ELAVL4: variants seen among roughly 807,000 people sequenced by gnomAD.
ELAVL4 encodes ELAV-like protein 4.
A neutral mutation model predicts 35.6 loss-of-function variants in ELAVL4; 1 was observed. The ratio of observed to expected loss-of-function variants is 0.03; its 90% CI spans 0.01 to 0.13. ELAVL4 has a LOEUF of 0.13. ELAVL4 is among the 10% of genes least tolerant of loss of function. The probability of loss-of-function intolerance (pLI) is 1.00; values close to 1 mark genes in which losing one functional copy is unlikely to be tolerated. For synonymous variants in ELAVL4, 156 were observed against 171.0 expected (o/e 0.91, Z 0.69); for missense variants, 267 against 464.9 (o/e 0.57, Z 3.91).
Position 50,123,618 on chromosome 1 carries a change from C to T in ELAVL4, c.9+14420C>T, listed in dbSNP as rs539253980. On this transcript the variant is annotated intron_variant, in intron 1 of 6. Transcript: ENST00000371824. ...TACTTAATTCATCTGTGGCTCAGGA[C>T]CAAGTCTAGGTAGCTTCACAAAACC... 5.3e-5 allele frequency among the ~76,000 whole-genome samples: 8 copies of T among 152,120 alleles called. No individual in the cohort carries two copies. The South Asian group carries it at 1.0e-3, about 20-fold the overall frequency.
chr1:50,063,165 C>T (rs918236271), intron 1 of ELAVL4, among the ~76,000 whole-genome samples: 14 of 152,180 alleles, frequency 9.2e-5, no homozygotes, highest in Admixed American at 8.5e-4. Flanking sequence ...GTCAGCCTTG[C>T]TCCTTTCTTG....
At chr1:50,089,209 T>G (rs553497108) in intron 1 of ELAVL4, among the ~76,000 whole-genome samples, 1 of 152,048 alleles carries the variant, frequency 6.6e-6, no homozygotes, top group Non-Finnish European at 1.5e-5. Flanking sequence ...ATCATTACAG[T>G]GTGAAAAGGG....
chr1:50,199,025 A>G (rs1412242529), intron 6 of ELAVL4, among the ~76,000 whole-genome samples: 1 of 152,244 alleles, frequency 6.6e-6, no homozygotes, highest in Non-Finnish European at 1.5e-5. Context: ...ATAGAATATT[A>G]AAAAGACAAT....
At chr1:50,166,095 G>A (rs1366209491) in intron 2 of ELAVL4, among the ~76,000 whole-genome samples, 1 of 151,964 alleles carries the variant, frequency 6.6e-6, no homozygotes, top group Non-Finnish European at 1.5e-5. Context: ...ACTAGATTAA[G>A]GGTGGATCTG....
At chr1:50,163,672 A>G (rs900556658) in intron 2 of ELAVL4, among the ~76,000 whole-genome samples, 10 of 152,264 alleles carry the variant, frequency 6.6e-5, no homozygotes, top group Non-Finnish European at 1.5e-4. Flanking sequence ...CTAAAAATAC[A>G]AAAATTAGGC....
intron 1 of ELAVL4, among the ~76,000 whole-genome samples, chr1:50,132,729 T>C (rs1393578768): frequency 6.6e-6 from 1 of 152,166 alleles, no homozygotes; most frequent in East Asian, 1.9e-4. Context: ...GACAGAATCA[T>C]TTTTAATACT....
chr1:50,076,034 G>A (rs1356057691), intron 1 of ELAVL4, among the ~76,000 whole-genome samples: 2 of 152,104 alleles, frequency 1.3e-5, no homozygotes, highest in Admixed American at 1.3e-4. Context: ...TCGCCATGTT[G>A]GCCAGGCTGG....
intron 1 of ELAVL4, among the ~76,000 whole-genome samples, chr1:50,134,986 T>G (rs1055419351): frequency 6.6e-6 from 1 of 152,152 alleles, no homozygotes; most frequent in Non-Finnish European, 1.5e-5. Context: ...AGATTAAAAC[T>G]TGGATTTCCG....
intron 1 of ELAVL4, among the ~76,000 whole-genome samples, chr1:50,057,296 TTA>T (rs1663729372): frequency 6.6e-6 from 1 of 152,114 alleles, no homozygotes; most frequent in African/African-American, 2.4e-5. Flanking sequence ...CTAAGTGTTA[TTA>T]TAAGAGTCTA....
At chr1:50,108,712 G>A (rs973940335), upstream of ELAVL4, among the ~76,000 whole-genome samples, 2 of 152,042 alleles carry the variant, frequency 1.3e-5, no homozygotes, top group South Asian at 2.1e-4. Context: ...TGCTTCAGCC[G>A]GGCCTTAATT....
chr1:50,169,083 A>G (rs1046119257), intron 2 of ELAVL4, among the ~76,000 whole-genome samples: 4 of 152,032 alleles, frequency 2.6e-5, no homozygotes, highest in African/African-American at 7.2e-5. Flanking sequence ...AAGGAGAGCC[A>G]GTCTGAGTCA....
rs966959923 is a variant in ELAVL4, at chr1:50,192,515, GCACGCACACA to G, written c.355-1246_355-1237del. ...TCCTTTTGCACACATGCTTTTGTGTGCACGCACACACACACACACACACACACACACACAC... is the reference window on the plus strand; with the variant it reads ...TCCTTTTGCACACATGCTTTTGTGTGCACACACACACACACACACACACAC... On this transcript the variant is annotated intron_variant, in intron 3 of 6. Transcript: ENST00000371824. 3.1e-4 allele frequency among the ~76,000 whole-genome samples: 25 copies of G among 80,350 alleles called. 1 individual carries two copies. The highest frequency in any genetic ancestry group is 8.8e-4 in the African/African-American group (20 of 22,618). The allele number at this position is 80,350 out of a possible 152,430, so 52.7% of individuals were successfully genotyped here. A position where few individuals can be genotyped will look rare whatever the true frequency, so the allele number is the denominator to read the frequency against.
In ELAVL4 at chr1:50,202,080, T is replaced by C. The variant is rs564724605; in HGVS notation, c.*902T>C. 30 of 152,280 alleles carry C rather than the reference T, an allele frequency of 2.0e-4. No individual in the cohort carries two copies. The highest frequency in any genetic ancestry group is 7.0e-4 in the African/African-American group (29 of 41,564). 9.4% of individuals were successfully genotyped at this position (152,280 alleles called of 1,614,324 possible). A position where few individuals can be genotyped will look rare whatever the true frequency, so the allele number is the denominator to read the frequency against. On this transcript the variant is annotated 3_prime_UTR_variant, in exon 7 of 7. Transcript: ENST00000371824. ...TAAACTGGATTCGTAGACTGTTTTTTGAAGGATGGGCTATAAACAGATGAT... is the reference window on the plus strand; with the variant it reads ...TAAACTGGATTCGTAGACTGTTTTTCGAAGGATGGGCTATAAACAGATGAT...
intron 2 of ELAVL4, among the ~76,000 whole-genome samples, chr1:50,165,772 G>GTGTATATA (rs1557817199): frequency 1.1e-4 from 1 of 8,816 alleles, no homozygotes; most frequent in Non-Finnish European, 6.2e-4. Flanking sequence ...GTGTGTATAT[G>GTGTATATA]TGTGTATATA....
intron 1 of ELAVL4, among the ~76,000 whole-genome samples, chr1:50,086,464 AC>A (rs1249001484): frequency 7.4e-6 from 1 of 135,968 alleles, no homozygotes; most frequent in Non-Finnish European, 1.6e-5. Flanking sequence ...GTTCCTTGGA[AC>A]CATTCAGCTT....
intron 1 of ELAVL4, among the ~76,000 whole-genome samples, chr1:50,087,637 G>T (rs1476056205): frequency 6.6e-6 from 1 of 152,178 alleles, no homozygotes; most frequent in Non-Finnish European, 1.5e-5. Context: ...TCTAGCTCTT[G>T]ATGTGACTGT....
At chr1:50,178,964 C>CT (rs34330798) in intron 3 of ELAVL4, among the ~76,000 whole-genome samples, 67,189 of 147,296 alleles carry the variant, frequency 0.46, 15,172 homozygotes, top group East Asian at 0.69. Flanking sequence ...TTCCATTTTG[C>CT]TTTTTTTTTT....
chr1:50,076,259 CCA>C (rs1572135640), intron 1 of ELAVL4, among the ~76,000 whole-genome samples: 2 of 152,150 alleles, frequency 1.3e-5, no homozygotes, highest in African/African-American at 4.8e-5. Flanking sequence ...GTTTTACTTT[CCA>C]CAGTTTCAGT....
chr1:50,127,888 G>T (rs1306021196), intron 1 of ELAVL4, among the ~76,000 whole-genome samples: 1 of 152,176 alleles, frequency 6.6e-6, no homozygotes, highest in African/African-American at 2.4e-5. Context: ...TTGAATGGAT[G>T]TAGAAGTGAT....
Sources: gnomAD v4.1 joint callset for allele counts (sites outside exome capture counted in the v4.1 genomes callset) on GRCh38, gnomAD v4.1.1 for gene constraint, MANE v1.5 for transcripts, NCBI Gene and HGNC (gene_info 2026-07-23, HGNC 2026-07-21) for gene names.